Variants in FMO3 observed in about 807,000 individuals in gnomAD.
The protein encoded by FMO3 is flavin-containing monooxygenase 3.
In FMO3, 40 loss-of-function variants were observed where a neutral mutation model predicts 39.4. That is an observed-to-expected ratio of 1.02 (90% CI 0.79 to 1.32). FMO3 has a LOEUF of 1.32. Ranked by LOEUF, FMO3 falls within the 40% of genes most tolerant of loss-of-function variation. The probability of loss-of-function intolerance (pLI) is 0.00; values close to 1 mark genes in which losing one functional copy is unlikely to be tolerated. For synonymous variants in FMO3, 219 were observed against 228.8 expected, an observed-to-expected ratio of 0.96 and a Z score of 0.39; for missense variants, 680 against 651.8, an observed-to-expected ratio of 1.04 and a Z score of -0.47.
chr1:171,108,021 A>G, intron 4 of FMO3, 58 bp from the exon 5 acceptor site: 1 of 1,589,286 alleles, frequency 6.3e-7, no homozygotes, highest in African/African-American at 1.3e-5. Context: ...CGCTTCTGTT[A>G]AAGTCTTTGT....
At chr1:171,103,371 G>A (rs752799477) in intron 2 of FMO3, among the ~76,000 whole-genome samples, 11 of 152,156 alleles carry the variant, frequency 7.2e-5, no homozygotes, top group Admixed American at 2.0e-4. Flanking sequence ...GTGTCTTACC[G>A]AATTTACTGT....
At position 171,094,085 on chromosome 1, in the gene FMO3, T is replaced by C. The variant is rs1001482525; in HGVS notation, c.132+1295T>C. 2.6e-4 allele frequency among the ~76,000 whole-genome samples: 40 copies of C among 152,136 alleles called. 1 individual carries two copies. The highest frequency in any genetic ancestry group is 8.2e-4 in the African/African-American group (34 of 41,504). ...CTCAGGTGATCTGCCGGCCTCGGAC[T>C]CCCAAAGTGCTGGGATTACCAGCAT... On this transcript the variant is annotated intron_variant, in intron 2 of 8. Coordinates refer to ENST00000367755, the MANE Select transcript of FMO3 (RefSeq NM_001002294.3).
At chr1:171,091,953 A>T (rs74347727) in intron 1 of FMO3, among the ~76,000 whole-genome samples, 1 of 151,996 alleles carries the variant, frequency 6.6e-6, no homozygotes, top group African/African-American at 2.4e-5. Flanking sequence ...GTGTTTCTTC[A>T]TTCCCATATA....
chr1:171,096,016 T>TATATTAATATATAA (rs1431040753), intron 2 of FMO3, among the ~76,000 whole-genome samples: 6,083 of 45,932 alleles, frequency 0.13, 627 homozygotes, highest in African/African-American at 0.16. Context: ...AATATACATA[T>TATATTAATATATAA]TATATATTAA....
In FMO3 at chr1:171,096,387, TTA is replaced by T. The variant is rs1203912907; in HGVS notation, c.132+3604_132+3605del. Among the ~76,000 whole-genome samples the T allele has an allele frequency of 2.7e-3, 263 of 97,800 alleles. 6 individuals are homozygous for T. The highest frequency in any genetic ancestry group is 0.013 in the Middle Eastern group (1 of 76). The allele number at this position is 97,800 out of a possible 152,430, so 64.2% of individuals were successfully genotyped here. A position where few individuals can be genotyped will look rare whatever the true frequency, so the allele number is the denominator to read the frequency against. On this transcript the variant is annotated intron_variant, in intron 2 of 8. Transcript: ENST00000367755. Reference sequence around the variant, plus strand: ...TATATATATTATAATTATATATATGTTATATATAATTACATATATATTATATA... The same window carrying T: ...TATATATATTATAATTATATATATGTTATATAATTACATATATATTATATA...
intron 7 of FMO3, among the ~76,000 whole-genome samples, chr1:171,115,475 TC>T (rs1181541643): frequency 6.6e-6 from 1 of 152,128 alleles, no homozygotes; most frequent in Non-Finnish European, 1.5e-5. Context: ...CAAGTGACCC[TC>T]CCTATAAGAA....
At chr1:171,113,098 G>T (rs1446379402) in intron 6 of FMO3, among the ~76,000 whole-genome samples, 1 of 152,200 alleles carries the variant, frequency 6.6e-6, no homozygotes, top group Admixed American at 6.5e-5. Flanking sequence ...TCAGCGTGGT[G>T]ATGGAGTTTG....
At chr1:171,097,797 T>G (rs1347556372) in intron 2 of FMO3, among the ~76,000 whole-genome samples, 1 of 151,954 alleles carries the variant, frequency 6.6e-6, no homozygotes, top group Non-Finnish European at 1.5e-5. Flanking sequence ...TTAGTTTAAT[T>G]AGATCCCATT....
At chr1:171,106,856 T>C (rs1080197) in intron 3 of FMO3, among the ~76,000 whole-genome samples, 21,885 of 152,162 alleles carry the variant, frequency 0.14, 1,991 homozygotes, top group Non-Finnish European at 0.2. Context: ...AGTTGCCATA[T>C]ATAATAGCAT....
At chr1:171,117,073 CA>C (rs1314977988) in intron 8 of FMO3, 26 bp from the exon 9 acceptor site, 1 of 1,545,770 alleles carries the variant, frequency 6.5e-7, no homozygotes, top group Admixed American at 1.7e-5. Context: ...TGGGTATCCA[CA>C]GTGGTGTTTT....
chr1:171,095,582 A>C (rs1654917428), intron 2 of FMO3, among the ~76,000 whole-genome samples: 1 of 151,060 alleles, frequency 6.6e-6, no homozygotes, highest in African/African-American at 2.4e-5. Flanking sequence ...CTCAATGAAA[A>C]GGTTGTATTT....
intron 2 of FMO3, among the ~76,000 whole-genome samples, chr1:171,093,430 C>T (rs988592121): frequency 6.6e-6 from 1 of 151,676 alleles, no homozygotes; most frequent in East Asian, 1.9e-4. Flanking sequence ...CCTCCAGTCC[C>T]ATCCATGTTG....
chr1:171,097,730 A>G (rs1490398157), intron 2 of FMO3, among the ~76,000 whole-genome samples: 2 of 150,444 alleles, frequency 1.3e-5, no homozygotes, highest in African/African-American at 4.9e-5. Flanking sequence ...ATTTTCTCCC[A>G]TTTTATGGGT....
At chr1:171,110,458 T>A (rs1282580948) in intron 5 of FMO3, among the ~76,000 whole-genome samples, 1 of 152,098 alleles carries the variant, frequency 6.6e-6, no homozygotes, top group East Asian at 1.9e-4. Flanking sequence ...ACTCTCAGGA[T>A]CAATACTTCC....
chr1:171,116,990 A>G (rs1339730889), intron 8 of FMO3, 110 bp from the exon 9 acceptor site: 1 of 825,302 alleles, frequency 1.2e-6, no homozygotes, highest in Non-Finnish European at 2.1e-6. Flanking sequence ...TTAGAAAGAG[A>G]GAGAGATTGA....
chr1:171,105,189 GGTGA>G (rs1202576925), intron 3 of FMO3, among the ~76,000 whole-genome samples: 4 of 151,978 alleles, frequency 2.6e-5, no homozygotes, highest in Admixed American at 2.0e-4. Flanking sequence ...CAGTTCCATG[GGTGA>G]GTACTTCCAA....
In FMO3 at chr1:171,114,268, G is replaced by C. The variant is rs773252818; in HGVS notation, c.1089G>C (p.Lys363Asn). ...GAGTATTTCCTCCTCTACTTGAGAAGTCAACCATAGCAGTGATTGGCTTTG... is the reference window on the plus strand; with the variant it reads ...GAGTATTTCCTCCTCTACTTGAGAACTCAACCATAGCAGTGATTGGCTTTG... ...FKGVFPPLLEKSTIAVIGFVQ... is the reference protein window; with the variant it reads ...FKGVFPPLLENSTIAVIGFVQ... Residue 363 changes from lysine to asparagine, a missense_variant, in exon 7 of 9, where the codon AAG becomes AAC. Transcript: ENST00000367755. 32 of 1,613,838 alleles carry C rather than the reference G, an allele frequency of 2.0e-5. No individual in the cohort carries two copies. In the South Asian group the frequency reaches 3.5e-4, roughly 18 times the overall value.
chr1:171,101,946 T>A (rs1476249242), intron 2 of FMO3: 1 of 351,720 alleles, frequency 2.8e-6, no homozygotes, highest in Non-Finnish European at 5.6e-6. Context: ...TGTATCAATT[T>A]TTTTCTTTAA....
intron 2 of FMO3, among the ~76,000 whole-genome samples, chr1:171,097,125 AT>A (rs1256094598): frequency 6.8e-6 from 1 of 148,094 alleles, no homozygotes; most frequent in Non-Finnish European, 1.5e-5. Context: ...TGAACTCATC[AT>A]TTTTTATGGC....
Sources: gnomAD v4.1 joint callset for allele counts (sites outside exome capture counted in the v4.1 genomes callset) on GRCh38, gnomAD v4.1.1 for gene constraint, MANE v1.5 for transcripts, NCBI Gene and HGNC (gene_info 2026-07-23, HGNC 2026-07-21) for gene names.